Variants in ETS2 observed in about 807,000 individuals in gnomAD.
ETS2 encodes protein C-ets-2.
ETS2 carries 19 observed loss-of-function variants against 54.9 expected under a neutral mutation model. The ratio of observed to expected loss-of-function variants is 0.35; its 90% CI spans 0.24 to 0.51. The LOEUF is 0.51. Ranked by LOEUF, ETS2 falls within the 20% of genes least tolerant of loss-of-function variation. The pLI is 0.97. For synonymous variants in ETS2, 219 were observed against 229.3 expected (o/e 0.95, Z 0.41); for missense variants, 417 against 593.0 (o/e 0.70, Z 3.08).
chr21:38,810,208 G>A, intron 2 of ETS2, 102 bp downstream of exon 2: 1 of 659,272 alleles, frequency 1.5e-6, no homozygotes, highest in Non-Finnish European at 2.5e-6. Flanking sequence ...TGTAGCCCTA[G>A]CTTCTTAATT....
intron 1 of ETS2, chr21:38,809,784 T>G: frequency 2.8e-6 from 1 of 352,960 alleles, no homozygotes; most frequent in Non-Finnish European, 5.1e-6. Context: ...CTGTGACATC[T>G]AAGTGGAATT....
In ETS2 at chr21:38,819,711, C is replaced by G. The variant is rs1451033653; in HGVS notation, c.1020C>G (p.Asp340Glu). Residue 340 changes from aspartate to glutamate, a missense_variant, in exon 8 of 10, where the codon GAC becomes GAG. Asp to Glu is a conservative substitution (Grantham distance 45). Transcript: ENST00000360938. ...SFKDYIQERS[D>E]PVEQGKPVIP... ...AGGATTACATCCAAGAGAGGAGTGA[C>G]CCAGTGGAGCAAGGCAAACCAGTTA... is the stretch of plus-strand genomic sequence containing the variant. The G allele has an allele frequency of 3.1e-6, 5 of 1,613,908 alleles. No individual in the cohort carries two copies. In the African/African-American group the frequency reaches 5.3e-5, roughly 17 times the overall value.
At chr21:38,817,320 A>G (rs1443392363) in intron 6 of ETS2, among the ~76,000 whole-genome samples, 9 of 152,270 alleles carry the variant, frequency 5.9e-5, no homozygotes, top group Non-Finnish European at 1.3e-4. Flanking sequence ...TATGAAACAG[A>G]GAATATAAAA....
intron 7 of ETS2, 129 bp from the exon 8 acceptor site, chr21:38,819,374 G>A (rs2060947954): frequency 1.3e-6 from 1 of 754,488 alleles, no homozygotes; most frequent in South Asian, 1.7e-5. Context: ...AGAGCATTTT[G>A]AGAAGTCTGA....
chr21:38,820,778 T>C (rs1436432911), intron 8 of ETS2, among the ~76,000 whole-genome samples: 1 of 152,230 alleles, frequency 6.6e-6, no homozygotes, highest in African/African-American at 2.4e-5. Flanking sequence ...ATAACGGCCA[T>C]TGCGTTTCTG....
chr21:38,821,785 C>T lies in ETS2; in HGVS notation c.1194+81C>T, dbSNP rs2060959216. The T allele has an allele frequency of 3.1e-6, 3 of 976,888 alleles. No homozygotes were observed. The highest frequency in any genetic ancestry group is 2.4e-5 in the East Asian group (1 of 41,932). 60.5% of individuals were successfully genotyped at this position (976,888 alleles called of 1,614,324 possible). A position where few individuals can be genotyped will look rare whatever the true frequency, so the allele number is the denominator to read the frequency against. On this transcript the variant is annotated intron_variant, in intron 9 of 9. Transcript: ENST00000360938. The surrounding 1 kb of genome is among the most constrained non-coding windows in gnomAD (Gnocchi z 4.2). The stretch of plus-strand genomic sequence containing the variant: ...ATTCAAAAACTCAGTTCTTTGGGCA[C>T]AAAAAAGGGTTCACCAGTACTGCTG...
chr21:38,805,716 C>T (rs1371684270), upstream of ETS2: 3 of 1,040,560 alleles, frequency 2.9e-6, no homozygotes, highest in Non-Finnish European at 3.7e-6. This position sits in a 1 kb window ranked among gnomAD's most constrained non-coding sequence, Gnocchi z 5.2. Flanking sequence ...CTCCGCTCCC[C>T]CAACCCTCCT....
chr21:38,821,747 A>G lies in ETS2; in HGVS notation c.1194+43A>G. ...GGAAATCTCTGGGCTTGAAAACCTGATTTCCTGCTTGCATTCAAAAACTCA... is the reference window on the plus strand; with the variant it reads ...GGAAATCTCTGGGCTTGAAAACCTGGTTTCCTGCTTGCATTCAAAAACTCA... On this transcript the variant is annotated intron_variant, in intron 9 of 9. Coordinates refer to ENST00000360938, the MANE Select transcript of ETS2 (RefSeq NM_005239.6). This position sits in a 1 kb window ranked among gnomAD's most constrained non-coding sequence, Gnocchi z 4.2. 7.1e-7 allele frequency: 1 copy of G among 1,412,606 alleles called. No homozygotes were observed. The highest frequency in any genetic ancestry group is 1.0e-6 in the Non-Finnish European group (1 of 998,400). 87.5% of individuals were successfully genotyped at this position (1,412,606 alleles called of 1,614,324 possible).
chr21:38,808,649 AG>A (rs1417069725), intron 1 of ETS2, among the ~76,000 whole-genome samples: 3 of 150,626 alleles, frequency 2.0e-5, no homozygotes, highest in African/African-American at 4.9e-5. Context: ...GGTTCTTGGA[AG>A]GTCTGGTTTA....
At position 38,822,743 on chromosome 21, in the gene ETS2, C is replaced by G. The variant is rs2060963148; in HGVS notation, c.1264C>G (p.Arg422Gly). 6.2e-7 allele frequency: 1 copy of G among 1,614,224 alleles called. No individual in the cohort carries two copies. Among genetic ancestry groups the G allele is most frequent in the Non-Finnish European group, 8.5e-7 (1 of 1,180,032 alleles). The change falls in exon 10 of 10, where the codon CGC (arginine) becomes GGC (glycine). Residue 422 changes from arginine (R) to glycine (G), a missense_variant. By Grantham distance (125) the Arg-to-Gly change is moderately radical (BLOSUM62 -2). Around this residue, in one of 3 missense-constraint regions of ETS2, gnomAD observed 60 missense variants for 134.1 expected, o/e 0.45. Transcript: ENST00000360938. ...CTACGAGAAGCTGAGCCGGGGCTTA[C>G]GCTACTATTACGACAAGAACATCAT... ...MNYEKLSRGL[R>G]YYYDKNIIHK...
chr21:38,824,260 T>A lies in ETS2; in HGVS notation c.*1371T>A, dbSNP rs545356002. The A allele has an allele frequency of 2.0e-5, 3 of 152,538 alleles. No individual in the cohort carries two copies. Among genetic ancestry groups the A allele is most frequent in the African/African-American group, 7.2e-5 (3 of 41,564 alleles). 9.4% of individuals were successfully genotyped at this position (152,538 alleles called of 1,614,324 possible). On this transcript the variant is annotated 3_prime_UTR_variant, in exon 10 of 10. Coordinates refer to ENST00000360938, the MANE Select transcript of ETS2 (RefSeq NM_005239.6). The stretch of plus-strand genomic sequence containing the variant: ...TTTTTGCTCAGTGTCCACAGCAAGA[T>A]GACGTGATTCTTATTTTCTTGGACA...
Position 38,806,348 on chromosome 21 carries a change from G to C in ETS2, c.-1+228G>C, listed in dbSNP as rs2060892912. The C allele has an allele frequency of 1.0e-6, 1 of 977,208 alleles. No individual in the cohort carries two copies. The highest frequency in any genetic ancestry group is 1.2e-6 in the Non-Finnish European group (1 of 822,398). 60.5% of individuals were successfully genotyped at this position (977,208 alleles called of 1,614,324 possible). A position where few individuals can be genotyped will look rare whatever the true frequency, so the allele number is the denominator to read the frequency against. Reference sequence around the variant, plus strand: ...GTGGCCTCCGGGGCTGGCGGGGTCGGCCGGGGGGTTCCTGCGTGCTAGGGC... The same window carrying C: ...GTGGCCTCCGGGGCTGGCGGGGTCGCCCGGGGGGTTCCTGCGTGCTAGGGC... On this transcript the variant is annotated intron_variant, in intron 1 of 9. Coordinates refer to ENST00000360938, the MANE Select transcript of ETS2 (RefSeq NM_005239.6). This position sits in a 1 kb window ranked among gnomAD's most constrained non-coding sequence, Gnocchi z 4.3.
At position 38,817,002 on chromosome 21, in the gene ETS2, T is replaced by C; in HGVS notation, c.506-6T>C. On this transcript the variant is annotated splice_polypyrimidine_tract_variant and splice_region_variant and intron_variant, in intron 5 of 9. Coordinates refer to ENST00000360938, the MANE Select transcript of ETS2 (RefSeq NM_005239.6). ...CCATCTTACGTCTCCTGTGTCTGCT[T>C]TTCAGAAAACCAAGAAAAGACAGAA... 1 of 1,592,620 alleles carries C rather than the reference T, an allele frequency of 6.3e-7. No individual in the cohort carries two copies. The highest frequency in any genetic ancestry group is 8.6e-7 in the Non-Finnish European group (1 of 1,160,520).
intron 2 of ETS2, among the ~76,000 whole-genome samples, chr21:38,812,371 C>G (rs1052135401): frequency 6.6e-6 from 1 of 152,162 alleles, no homozygotes; most frequent in South Asian, 2.1e-4. Context: ...AGGCTCCTCT[C>G]GACACCATTG....
At chr21:38,817,578 T>A (rs2060940419) in intron 6 of ETS2, among the ~76,000 whole-genome samples, 1 of 152,170 alleles carries the variant, frequency 6.6e-6, no homozygotes, top group Admixed American at 6.5e-5. Context: ...TCACCAGTAA[T>A]GTTGGTTTAG....
Position 38,814,481 on chromosome 21 carries a change from C to T in ETS2, c.304+89C>T, listed in dbSNP as rs2060925320. The T allele has an allele frequency of 1.8e-5, 28 of 1,516,474 alleles. No homozygotes were observed. In the South Asian group the frequency reaches 3.3e-4, roughly 18 times the overall value. 93.9% of individuals were successfully genotyped at this position (1,516,474 alleles called of 1,614,324 possible). Reference sequence around the variant, plus strand: ...TCTTGACTTGTTTATTAAGCTTTTGCTTGGGGTATTCTGCAAAGAGTAGCA... The same window carrying T: ...TCTTGACTTGTTTATTAAGCTTTTGTTTGGGGTATTCTGCAAAGAGTAGCA... On this transcript the variant is annotated intron_variant, in intron 4 of 9. Coordinates refer to ENST00000360938, the MANE Select transcript of ETS2 (RefSeq NM_005239.6). The surrounding 1 kb of genome is among the most constrained non-coding windows in gnomAD (Gnocchi z 4.2).
At chr21:38,809,651 G>A in intron 1 of ETS2, 1 of 206,386 alleles carries the variant, frequency 4.8e-6, no homozygotes. Context: ...CTGCCCCACT[G>A]TACCCACCCA....
At chr21:38,819,263 C>T (rs368271003) in intron 7 of ETS2, among the ~76,000 whole-genome samples, 6 of 152,246 alleles carry the variant, frequency 3.9e-5, no homozygotes, top group East Asian at 3.9e-4. Context: ...TCTTTTTCAT[C>T]GCTGTATAGT....
upstream of ETS2, chr21:38,805,582 G>A (rs755565566): frequency 5.5e-6 from 7 of 1,273,786 alleles, no homozygotes; most frequent in South Asian, 5.0e-5. This position sits in a 1 kb window ranked among gnomAD's most constrained non-coding sequence, Gnocchi z 5.2. Context: ...GCCGGCGAGG[G>A]ACCCAGCCGA....
Sources: gnomAD v4.1 joint callset for allele counts (sites outside exome capture counted in the v4.1 genomes callset) on GRCh38, gnomAD v4.1.1 for gene constraint, gnomAD v4.1.1 regional missense constraint, Gnocchi (gnomAD v3.1) non-coding constraint, MANE v1.5 for transcripts, NCBI Gene and HGNC (gene_info 2026-07-23, HGNC 2026-07-21) for gene names.